BRWD1: variants seen among roughly 807,000 people sequenced by gnomAD.
BRWD1 encodes bromodomain and WD repeat-containing protein 1.
BRWD1 carries 82 observed loss-of-function variants against 251.2 expected under a neutral mutation model. That is an observed-to-expected ratio of 0.33 (90% CI 0.27 to 0.39). The LOEUF (loss-of-function observed/expected upper bound fraction) is 0.39. BRWD1 is among the 10% of genes least tolerant of loss of function. The pLI, the probability that BRWD1 is intolerant of heterozygous loss-of-function variation, is 1.00. For missense variants in BRWD1, 2,233 were observed against 2,711.6 expected, an observed-to-expected ratio of 0.82 and a Z score of 3.92; for synonymous variants, 918 against 902.8, an observed-to-expected ratio of 1.02 and a Z score of -0.30.
chr21:39,291,848 C>T (rs2146741249), intron 8 of BRWD1, among the ~76,000 whole-genome samples: 1 of 152,246 alleles, frequency 6.6e-6, no homozygotes, highest in East Asian at 1.9e-4. Flanking sequence ...GCACATTACC[C>T]TCCTTAAGAC....
At chr21:39,215,116 G>A (rs999290818) in intron 32 of BRWD1, 121 bp downstream of exon 32, 19 of 910,586 alleles carry the variant, frequency 2.1e-5, no homozygotes, top group Middle Eastern at 3.4e-4. Context: ...GTGATCTGAC[G>A]GCCTTCACTT....
intron 21 of BRWD1, among the ~76,000 whole-genome samples, chr21:39,241,473 T>TAAAAAA (rs61488970): frequency 1.1e-4 from 5 of 44,920 alleles, no homozygotes; most frequent in East Asian, 1.6e-3. Context: ...ATCTCCAAAG[T>TAAAAAA]AAAAAAAAAA....
At chr21:39,211,240 T>C (rs9984518) in intron 34 of BRWD1, among the ~76,000 whole-genome samples, 14,948 of 152,184 alleles carry the variant, frequency 0.098, 854 homozygotes, top group East Asian at 0.14. Context: ...TCGCAGAATA[T>C]GAAGCACATC....
rs1460677935 is a variant in BRWD1 at position 39,212,646 on chromosome 21, AACC to A, written c.3900+17_3900+19del. On this transcript the variant is annotated intron_variant, in intron 34 of 40. Coordinates refer to ENST00000342449, the MANE Select transcript of BRWD1 (RefSeq NM_033656.4). Reference sequence around the variant, plus strand: ...CAAAGAAAAAGAAACTACAAAAGTCAACCATGCAGAGTAACTTACTCTCCTCCT... The same window carrying A: ...CAAAGAAAAAGAAACTACAAAAGTCAATGCAGAGTAACTTACTCTCCTCCT... The A allele has an allele frequency of 6.5e-7, 1 of 1,526,878 alleles. No homozygotes were observed. Among genetic ancestry groups the A allele is most frequent in the African/African-American group, 1.4e-5 (1 of 71,392 alleles). The allele number at this position is 1,526,878 out of a possible 1,614,324, so 94.6% of individuals were successfully genotyped here.
chr21:39,258,616 G>C lies in BRWD1; in HGVS notation c.1942C>G (p.Arg648Gly), dbSNP rs778720112. 3 of 1,611,192 alleles carry C rather than the reference G, an allele frequency of 1.9e-6. No homozygotes were observed. Among genetic ancestry groups the C allele is most frequent in the Non-Finnish European group, 2.5e-6 (3 of 1,178,570 alleles). The change falls in exon 18 of 41, where the codon CGC becomes GGC. Residue 648 changes from arginine to glycine, a missense_variant. By Grantham distance (125) the Arg-to-Gly change is moderately radical (BLOSUM62 -2). Around this residue, in one of 12 missense-constraint regions of BRWD1, gnomAD observed 73 missense variants for 68.1 expected, o/e 1.07. Coordinates refer to ENST00000342449, the MANE Select transcript of BRWD1 (RefSeq NM_033656.4). ...ISLQTNDNDE[R>G]SPESSILDGM... The stretch of plus-strand genomic sequence containing the variant: ...TCAAGAATACTCGATTCTGGGCTGC[G>C]TTCATCATTATCATTGGTTTGCAGG...
intron 5 of BRWD1, chr21:39,296,620 G>T: frequency 9.9e-7 from 1 of 1,012,486 alleles, no homozygotes; most frequent in Non-Finnish European, 1.2e-6. Context: ...ACATACATTA[G>T]CTCATTGAAT....
chr21:39,264,336 T>A (rs1030498069), intron 17 of BRWD1, 124 bp downstream of exon 17: 2 of 649,324 alleles, frequency 3.1e-6, no homozygotes, highest in Non-Finnish European at 4.7e-6. Flanking sequence ...AGAAAAAAAA[T>A]AATAAAACAA....
At chr21:39,319,739 T>C (rs2146836912) in intron 1 of BRWD1, among the ~76,000 whole-genome samples, 1 of 152,360 alleles carries the variant, frequency 6.6e-6, no homozygotes, top group South Asian at 2.1e-4. Flanking sequence ...GACCCTGTTA[T>C]ATAAGAATAA....
chr21:39,270,974 C>G (rs1000791589), intron 13 of BRWD1, among the ~76,000 whole-genome samples: 2 of 152,194 alleles, frequency 1.3e-5, no homozygotes, highest in Non-Finnish European at 2.9e-5. Context: ...GATACACATG[C>G]CTAGAATGTT....
At chr21:39,252,746 G>A (rs2034436545) in intron 19 of BRWD1, among the ~76,000 whole-genome samples, 2 of 152,120 alleles carry the variant, frequency 1.3e-5, no homozygotes, top group South Asian at 4.1e-4. Context: ...GTTCTTTGCT[G>A]CTCTAAATAG....
chr21:39,293,780 T>A (rs571585127), intron 8 of BRWD1, 31 bp downstream of exon 8: 2 of 1,548,002 alleles, frequency 1.3e-6, no homozygotes, highest in South Asian at 2.2e-5. Context: ...AAAATACATA[T>A]AGGAATGTGC....
At position 39,313,116 on chromosome 21, in the gene BRWD1, C is replaced by G. The variant is rs1469559249; in HGVS notation, c.109-15G>C. 2.7e-6 allele frequency: 4 copies of G among 1,496,218 alleles called. No individual in the cohort carries two copies. Among genetic ancestry groups the G allele is most frequent in the African/African-American group, 1.5e-5 (1 of 68,316 alleles). The allele number at this position is 1,496,218 out of a possible 1,614,324, so 92.7% of individuals were successfully genotyped here. ...TGCACCAGCACCTGCGGCCGAGAGA[C>G]GCGCGGTCAGGGGTGGGGTCGGGCC... On this transcript the variant is annotated splice_polypyrimidine_tract_variant and intron_variant, in intron 2 of 40. Coordinates refer to ENST00000342449, the MANE Select transcript of BRWD1 (RefSeq NM_033656.4).
intron 22 of BRWD1, 76 bp downstream of exon 22, chr21:39,238,403 G>C (rs1049756077): frequency 5.7e-6 from 7 of 1,219,562 alleles, no homozygotes; most frequent in Admixed American, 2.0e-5. Flanking sequence ...CTTGCCTCTT[G>C]AATAAAATTC....
At position 39,191,280 on chromosome 21, in the gene BRWD1, C is replaced by T. The variant is rs138807544; in HGVS notation, c.*4979G>A. ...CCAAGCTCATATGTAAAACTCACAG[C>T]GCTCGCACCCCTATATTCTGCCTGC... On this transcript the variant is annotated 3_prime_UTR_variant, in exon 41 of 41. Coordinates refer to ENST00000342449, the MANE Select transcript of BRWD1 (RefSeq NM_033656.4). 1.3e-5 allele frequency: 13 copies of T among 985,250 alleles called. No individual in the cohort carries two copies. Among genetic ancestry groups the T allele is most frequent in the East Asian group, 2.3e-4 (2 of 8,798 alleles). 61.0% of individuals were successfully genotyped at this position (985,250 alleles called of 1,614,324 possible).
chr21:39,271,629 G>A lies in BRWD1; in HGVS notation c.1245-1196C>T, dbSNP rs543932766. ...GGAGGATAGCATGAACCCAGGAGGCGGAACTTACAGTGAGCCAAGATCGCA... is the reference window on the plus strand; with the variant it reads ...GGAGGATAGCATGAACCCAGGAGGCAGAACTTACAGTGAGCCAAGATCGCA... On this transcript the variant is annotated intron_variant, in intron 13 of 40. Transcript: ENST00000342449. 2.0e-3 allele frequency among the ~76,000 whole-genome samples: 275 copies of A among 139,712 alleles called. 1 individual carries two copies. Among genetic ancestry groups the A allele is most frequent in the African/African-American group, 6.7e-3 (249 of 37,160 alleles). 91.7% of individuals were successfully genotyped at this position (139,712 alleles called of 152,430 possible).
At chr21:39,320,217 A>G (rs1370301906) in intron 1 of BRWD1, among the ~76,000 whole-genome samples, 3 of 152,202 alleles carry the variant, frequency 2.0e-5, no homozygotes, top group Non-Finnish European at 4.4e-5. Flanking sequence ...CTTTCCTGCC[A>G]AGCCACAGGT....
intron 10 of BRWD1, among the ~76,000 whole-genome samples, chr21:39,277,786 GA>G (rs1310043189): frequency 1.3e-5 from 2 of 151,954 alleles, no homozygotes; most frequent in African/African-American, 2.4e-5. Flanking sequence ...GGATGGTCTC[GA>G]ACTCCTGACC....
At chr21:39,301,919 T>A (rs1601496624) in intron 4 of BRWD1, among the ~76,000 whole-genome samples, 1 of 136,056 alleles carries the variant, frequency 7.3e-6, no homozygotes, top group Admixed American at 7.4e-5. Context: ...GGACTATGAA[T>A]CAGAATTCCA....
rs755038858 is a variant in BRWD1 at position 39,191,469 on chromosome 21, A to G, written c.*4790T>C. On this transcript the variant is annotated 3_prime_UTR_variant, in exon 41 of 41. Coordinates refer to ENST00000342449, the MANE Select transcript of BRWD1 (RefSeq NM_033656.4). ...TAAATTTATTATATCCCATTTAAGA[A>G]CTGACAAAAATCATCTAAATGAATA... 2.0e-6 allele frequency: 2 copies of G among 981,420 alleles called. No homozygotes were observed. Among genetic ancestry groups the G allele is most frequent in the Non-Finnish European group, 2.4e-6 (2 of 826,350 alleles). The allele number at this position is 981,420 out of a possible 1,614,324, so 60.8% of individuals were successfully genotyped here.
Sources: allele counts gnomAD v4.1 joint callset (sites outside exome capture counted in the v4.1 genomes callset), GRCh38; gene constraint gnomAD v4.1.1; regional missense constraint gnomAD v4.1.1; transcripts MANE v1.5; gene names NCBI Gene and HGNC (gene_info 2026-07-23, HGNC 2026-07-21).